KBTBD11: variants seen among roughly 807,000 people sequenced by gnomAD.
KBTBD11 encodes the protein kelch repeat and BTB domain-containing protein 11.
For missense variants in KBTBD11, 1,390 were observed against 1,001.8 expected (o/e 1.39, Z -5.23); for synonymous variants, 747 against 499.0 (o/e 1.50, Z -6.63).
intron 1 of KBTBD11, among the ~76,000 whole-genome samples, chr8:1,987,831 C>T: frequency 6.6e-6 from 1 of 152,016 alleles, no homozygotes; most frequent in East Asian, 1.9e-4. Context: ...TTGCTGCACC[C>T]ATTAACTCGT....
intron 1 of KBTBD11, among the ~76,000 whole-genome samples, chr8:1,978,662 A>T (rs116140188): frequency 0.02 from 3,120 of 152,262 alleles, 85 homozygotes; most frequent in African/African-American, 0.06. Flanking sequence ...TGCCACGTAG[A>T]AGGGGAGGGA....
In KBTBD11 at chr8:2,003,668, T is replaced by C. The variant is rs796513296; in HGVS notation, c.*604T>C. The C allele has an allele frequency of 1.8e-5, 3 of 167,210 alleles. No homozygotes were observed. Among genetic ancestry groups the C allele is most frequent in the African/African-American group, 7.2e-5 (3 of 41,578 alleles). 10.4% of individuals were successfully genotyped at this position (167,210 alleles called of 1,614,324 possible). A position where few individuals can be genotyped will look rare whatever the true frequency, so the allele number is the denominator to read the frequency against. ...TACCAGTAAGGTTTCTTGTTCAATA[T>C]GCATTGGAAGTATTTCCTTCCCCAC... On this transcript the variant is annotated 3_prime_UTR_variant, in exon 2 of 2. Transcript: ENST00000320248.
chr8:1,993,065 G>C (rs760666021), intron 1 of KBTBD11, among the ~76,000 whole-genome samples: 10 of 151,914 alleles, frequency 6.6e-5, no homozygotes, highest in Non-Finnish European at 1.3e-4. Context: ...CCAGCTTCCC[G>C]CGTAGCTAGG....
intron 1 of KBTBD11, among the ~76,000 whole-genome samples, chr8:1,983,302 T>G (rs1437059097): frequency 6.6e-6 from 1 of 152,204 alleles, no homozygotes; most frequent in African/African-American, 2.4e-5. Context: ...GGCCAGGTCA[T>G]CACAGCTGAA....
At chr8:1,974,372 AAGCAGG>A in intron 1 of KBTBD11, 1 of 984,240 alleles carries the variant, frequency 1.0e-6, no homozygotes, top group Non-Finnish European at 1.2e-6. Flanking sequence ...GCCGGCACGG[AAGCAGG>A]AGCAGAAGCC....
intron 1 of KBTBD11, among the ~76,000 whole-genome samples, chr8:1,992,292 G>T (rs1413718625): frequency 6.6e-6 from 1 of 152,138 alleles, no homozygotes; most frequent in Non-Finnish European, 1.5e-5. Context: ...GGTAACTGAT[G>T]TCACCTGCAC....
rs888966053 is a variant in KBTBD11 at position 2,003,306 on chromosome 8, G to C, written c.*242G>C. 10 of 470,074 alleles carry C rather than the reference G, an allele frequency of 2.1e-5. No homozygotes were observed. Among genetic ancestry groups the C allele is most frequent in the East Asian group, 4.1e-5 (1 of 24,640 alleles). 29.1% of individuals were successfully genotyped at this position (470,074 alleles called of 1,614,324 possible). ...AGGTGTGCGGATGGGTCCCTTGACA[G>C]ACAGGACACAGAGAAGGCTGTGGGA... On this transcript the variant is annotated 3_prime_UTR_variant, in exon 2 of 2. Coordinates refer to ENST00000320248, the MANE Select transcript of KBTBD11 (RefSeq NM_014867.3).
intron 1 of KBTBD11, among the ~76,000 whole-genome samples, chr8:1,991,708 C>G (rs182721901): frequency 6.6e-6 from 1 of 151,978 alleles, no homozygotes; most frequent in African/African-American, 2.4e-5. Context: ...TCCTGGGGGT[C>G]CTGCACTGCC....
At position 2,006,029 on chromosome 8, in the gene KBTBD11, C is replaced by G. The variant is rs1274856972; in HGVS notation, c.*2965C>G. ...CAGCTTTGTAGAGCTGGATTTGGAA[C>G]TTCGGGATTTGGTTTCTGAGTCTGT... On this transcript the variant is annotated 3_prime_UTR_variant, in exon 2 of 2. Coordinates refer to ENST00000320248, the MANE Select transcript of KBTBD11 (RefSeq NM_014867.3). The G allele has an allele frequency of 6.0e-6, 1 of 167,122 alleles. No individual in the cohort carries two copies. Among genetic ancestry groups the G allele is most frequent in the Non-Finnish European group, 1.5e-5 (1 of 68,134 alleles). The allele number at this position is 167,122 out of a possible 1,614,324, so 10.4% of individuals were successfully genotyped here.
At position 2,003,959 on chromosome 8, in the gene KBTBD11, A is replaced by C. The variant is rs371391802; in HGVS notation, c.*895A>C. On this transcript the variant is annotated 3_prime_UTR_variant, in exon 2 of 2. Transcript: ENST00000320248. ...CTTTCATAATCTGGAACGAGATAAAATATTCCTAAAAAGCGGGGAAAATCA... is the reference window on the plus strand; with the variant it reads ...CTTTCATAATCTGGAACGAGATAAACTATTCCTAAAAAGCGGGGAAAATCA... The C allele has an allele frequency of 1.4e-4, 24 of 166,992 alleles. No individual in the cohort carries two copies. The highest frequency in any genetic ancestry group is 5.8e-4 in the African/African-American group (24 of 41,584). The allele number at this position is 166,992 out of a possible 1,614,324, so 10.3% of individuals were successfully genotyped here. A position where few individuals can be genotyped will look rare whatever the true frequency, so the allele number is the denominator to read the frequency against.
At chr8:1,980,880 G>C (rs1816518705) in intron 1 of KBTBD11, among the ~76,000 whole-genome samples, 1 of 152,236 alleles carries the variant, frequency 6.6e-6, no homozygotes, top group Non-Finnish European at 1.5e-5. Flanking sequence ...AAGCCTGCCT[G>C]CTTGTTGCAT....
chr8:1,983,816 C>G (rs983260653), intron 1 of KBTBD11, among the ~76,000 whole-genome samples: 1 of 152,242 alleles, frequency 6.6e-6, no homozygotes, highest in Non-Finnish European at 1.5e-5. Context: ...TTATTGAAGT[C>G]TAACATACAA....
intron 1 of KBTBD11, among the ~76,000 whole-genome samples, chr8:1,985,571 A>G (rs995774960): frequency 6.6e-6 from 1 of 152,262 alleles, no homozygotes; most frequent in African/African-American, 2.4e-5. Flanking sequence ...TTTCCTAAAT[A>G]ATAACCTTTG....
intron 1 of KBTBD11, among the ~76,000 whole-genome samples, chr8:1,980,432 G>A (rs927860771): frequency 6.6e-6 from 1 of 152,112 alleles, no homozygotes; most frequent in African/African-American, 2.4e-5. Context: ...TCACCATGTT[G>A]GCCAGGATGG....
chr8:1,985,832 T>G (rs140686714), intron 1 of KBTBD11, among the ~76,000 whole-genome samples: 157 of 152,322 alleles, frequency 1.0e-3, no homozygotes, highest in African/African-American at 3.6e-3. Context: ...TTGACAATCT[T>G]CATCTATAAA....
At chr8:1,987,749 A>ATTATTATTATT (rs200263057) in intron 1 of KBTBD11, among the ~76,000 whole-genome samples, 1 of 151,520 alleles carries the variant, frequency 6.6e-6, no homozygotes, top group Non-Finnish European at 1.5e-5. Flanking sequence ...TATTATTATT[A>ATTATTATTATT]TACTTTAAGT....
At chr8:1,974,591 G>A in intron 1 of KBTBD11, 3 of 984,884 alleles carry the variant, frequency 3.0e-6, no homozygotes, top group East Asian at 1.1e-4. Context: ...CGCGAGCCCC[G>A]AGCACCGCGA....
chr8:1,997,826 A>C (rs549703645), intron 1 of KBTBD11, among the ~76,000 whole-genome samples: 1 of 152,230 alleles, frequency 6.6e-6, no homozygotes, highest in Non-Finnish European at 1.5e-5. Flanking sequence ...TGCTCTGCCA[A>C]CTTGCTTTGT....
Position 2,001,168 on chromosome 8 carries a change from G to GGGCGC in KBTBD11, c.-24_-20dup, listed in dbSNP as rs1328233466. ...GCAGGCTGCGGAACCGGGGGCGCGCGGGCGCAGCGCAGCACAGCCCGGCCA... is the reference window on the plus strand; with the variant it reads ...GCAGGCTGCGGAACCGGGGGCGCGCGGGCGCGGCGCAGCGCAGCACAGCCCGGCCA... On this transcript the variant is annotated 5_prime_UTR_variant, in exon 2 of 2. Coordinates refer to ENST00000320248, the MANE Select transcript of KBTBD11 (RefSeq NM_014867.3). 4 of 1,298,150 alleles carry GGGCGC rather than the reference G, an allele frequency of 3.1e-6. No individual in the cohort carries two copies. Among genetic ancestry groups the GGGCGC allele is most frequent in the South Asian group, 4.5e-5 (2 of 44,062 alleles). The allele number at this position is 1,298,150 out of a possible 1,614,324, so 80.4% of individuals were successfully genotyped here.
Sources: allele counts gnomAD v4.1 joint callset (sites outside exome capture counted in the v4.1 genomes callset), GRCh38; gene constraint gnomAD v4.1.1; transcripts MANE v1.5; gene names NCBI Gene and HGNC (gene_info 2026-07-23, HGNC 2026-07-21).